HRK: variants seen among roughly 807,000 people sequenced by gnomAD.
The protein encoded by HRK is harakiri, BCL2 interacting protein, also known as activator of apoptosis harakiri.
HRK carries 6 observed loss-of-function variants against 5.9 expected under a neutral mutation model. That is an observed-to-expected ratio of 1.02 (90% CI 0.56 to 2.01). The LOEUF (loss-of-function observed/expected upper bound fraction) is 2.01, where lower values mean the gene tolerates loss of function less well. HRK is among the 30% of genes most tolerant of loss of function. The probability of loss-of-function intolerance (pLI) is 0.00; values close to 1 mark genes in which losing one functional copy is unlikely to be tolerated. For missense variants in HRK, 133 were observed against 128.3 expected, an observed-to-expected ratio of 1.04 and a Z score of -0.18; for synonymous variants, 85 against 65.1, an observed-to-expected ratio of 1.31 and a Z score of -1.47.
intron 1 of HRK, among the ~76,000 whole-genome samples, chr12:116,874,183 G>A (rs944687708): frequency 1.3e-5 from 2 of 152,130 alleles, no homozygotes; most frequent in Admixed American, 6.5e-5. Flanking sequence ...GAGGGCTGTG[G>A]CTGGGACTCA....
intron 1 of HRK, among the ~76,000 whole-genome samples, chr12:116,873,671 C>A (rs1010518496): frequency 6.6e-6 from 1 of 152,302 alleles, no homozygotes; most frequent in Non-Finnish European, 1.5e-5. Context: ...CCACATCCAG[C>A]TACTTTTTAA....
chr12:116,876,762 C>T (rs1278817568), intron 1 of HRK: 1 of 152,314 alleles, frequency 6.6e-6, no homozygotes, highest in Non-Finnish European at 1.5e-5. Context: ...CCATCCTCCT[C>T]CAGGCCTCCC....
intron 1 of HRK, among the ~76,000 whole-genome samples, chr12:116,873,950 G>A (rs1379161309): frequency 6.6e-6 from 1 of 152,226 alleles, no homozygotes; most frequent in Middle Eastern, 3.2e-3. Context: ...AAAGGAGAGG[G>A]GAGCCAGTGC....
rs928986581 is a variant in HRK at position 116,860,323 on chromosome 12, A to G, written c.*1200T>C. The G allele has an allele frequency of 5.3e-5, 8 of 151,866 alleles. No individual in the cohort carries two copies. The highest frequency in any genetic ancestry group is 2.1e-4 in the South Asian group (1 of 4,800). 9.4% of individuals were successfully genotyped at this position (151,866 alleles called of 1,614,324 possible). A position where few individuals can be genotyped will look rare whatever the true frequency, so the allele number is the denominator to read the frequency against. On this transcript the variant is annotated 3_prime_UTR_variant, in exon 2 of 2. Coordinates refer to ENST00000257572, the MANE Select transcript of HRK (RefSeq NM_003806.4). ...AAAATAGTAGCTTATCCTTGGGGGG[A>G]AAAAAATCAGACCTCTGTCAATCAG... is the stretch of plus-strand genomic sequence containing the variant.
rs1879033057 is a variant in HRK, at chr12:116,878,849, C to A, written c.*56+2127G>T. Among the ~76,000 whole-genome samples the A allele has an allele frequency of 6.6e-6, 1 of 152,160 alleles. No individual in the cohort carries two copies. The highest frequency in any genetic ancestry group is 1.5e-5 in the Non-Finnish European group (1 of 68,018). On this transcript the variant is annotated intron_variant, in intron 1 of 1. Transcript: ENST00000257572. This position sits in a 1 kb window ranked among gnomAD's most constrained non-coding sequence, Gnocchi z 4.4. ...ACGGAAGTAACTCTGGGGTAGAAGG[C>A]GAGGGCGGGGCGGGGGAAATAAACT... is the stretch of plus-strand genomic sequence containing the variant.
chr12:116,881,333 C>T lies in HRK; in HGVS notation c.-26G>A, dbSNP rs981910919. 2 of 1,062,990 alleles carry T rather than the reference C, an allele frequency of 1.9e-6. No homozygotes were observed. The highest frequency in any genetic ancestry group is 5.4e-5 in the Admixed American group (1 of 18,532). The allele number at this position is 1,062,990 out of a possible 1,614,324, so 65.8% of individuals were successfully genotyped here. ...GACCGCTGGCCTCGCTCCCGCCCCG[C>T]GCTCGGGCCGCCCCTCGCCTCCTCT... is the stretch of plus-strand genomic sequence containing the variant. On this transcript the variant is annotated 5_prime_UTR_variant, in exon 1 of 2. Coordinates refer to ENST00000257572, the MANE Select transcript of HRK (RefSeq NM_003806.4).
In HRK at chr12:116,879,725, C is replaced by T. The variant is rs1215161021; in HGVS notation, c.*56+1251G>A. 1 of 152,252 alleles carries T rather than the reference C, an allele frequency of 6.6e-6. No individual in the cohort carries two copies. Among genetic ancestry groups the T allele is most frequent in the Non-Finnish European group, 1.5e-5 (1 of 68,066 alleles). 9.4% of individuals were successfully genotyped at this position (152,252 alleles called of 1,614,324 possible). Reference sequence around the variant, plus strand: ...TCACACCCCGCGCACCCCCGCAGCTCCCTGGGCGCTGCCACCCCCCACGCT... The same window carrying T: ...TCACACCCCGCGCACCCCCGCAGCTTCCTGGGCGCTGCCACCCCCCACGCT... On this transcript the variant is annotated intron_variant, in intron 1 of 1. Transcript: ENST00000257572. This position sits in a 1 kb window ranked among gnomAD's most constrained non-coding sequence, Gnocchi z 5.6.
chr12:116,880,985 G>A lies in HRK; in HGVS notation c.*47C>T, dbSNP rs1365575370. On this transcript the variant is annotated 3_prime_UTR_variant, in exon 1 of 2. Coordinates refer to ENST00000257572, the MANE Select transcript of HRK (RefSeq NM_003806.4). The stretch of plus-strand genomic sequence containing the variant: ...TCGCTCGCTCGCGTACCTGTTGCTC[G>A]CTCCGGCTGGGTCTCGGCTCCGGCC... 8.0e-7 allele frequency: 1 copy of A among 1,253,494 alleles called. No individual in the cohort carries two copies. The allele number at this position is 1,253,494 out of a possible 1,614,324, so 77.6% of individuals were successfully genotyped here.
At position 116,859,191 on chromosome 12, in the gene HRK, C is replaced by T. The variant is rs1878266054; in HGVS notation, c.*2332G>A. On this transcript the variant is annotated 3_prime_UTR_variant, in exon 2 of 2. Transcript: ENST00000257572. The stretch of plus-strand genomic sequence containing the variant: ...AAATCAAAATCACCCAAAATGCCAA[C>T]CCCAGCGTTTGGAGTTTGTATCCTC... 1 of 152,156 alleles carries T rather than the reference C, an allele frequency of 6.6e-6. No homozygotes were observed. The highest frequency in any genetic ancestry group is 2.4e-5 in the African/African-American group (1 of 41,432). 9.4% of individuals were successfully genotyped at this position (152,156 alleles called of 1,614,324 possible).
Position 116,862,032 on chromosome 12 carries a change from A to G in HRK, c.*57-566T>C, listed in dbSNP as rs559268497. Reference sequence around the variant, plus strand: ...ACAGGGAGATGGGAAGAAGTGGATAATGACAGTCCCATGTAAAGAGCACAT... The same window carrying G: ...ACAGGGAGATGGGAAGAAGTGGATAGTGACAGTCCCATGTAAAGAGCACAT... On this transcript the variant is annotated intron_variant, in intron 1 of 1. Coordinates refer to ENST00000257572, the MANE Select transcript of HRK (RefSeq NM_003806.4). The surrounding 1 kb of genome is among the most constrained non-coding windows in gnomAD (Gnocchi z 4.0). 1.3e-5 allele frequency among the ~76,000 whole-genome samples: 2 copies of G among 152,218 alleles called. No homozygotes were observed. Among genetic ancestry groups the G allele is most frequent in the Non-Finnish European group, 2.9e-5 (2 of 68,038 alleles).
At chr12:116,872,169 G>A (rs1433542957) in intron 1 of HRK, among the ~76,000 whole-genome samples, 1 of 152,172 alleles carries the variant, frequency 6.6e-6, no homozygotes, top group African/African-American at 2.4e-5. Flanking sequence ...AGGAGTTCGA[G>A]ACCAGGATGG....
intron 1 of HRK, chr12:116,869,588 C>A (rs561200891): frequency 6.6e-6 from 1 of 152,240 alleles, no homozygotes; most frequent in Middle Eastern, 3.4e-3. Context: ...CTGGCAAATG[C>A]GAGATGGAGA....
intron 1 of HRK, among the ~76,000 whole-genome samples, chr12:116,874,592 T>G (rs1399714337): frequency 2.0e-5 from 3 of 152,184 alleles, no homozygotes; most frequent in African/African-American, 7.2e-5. Context: ...CACTCCCCCA[T>G]GAGGTGGAGT....
In HRK at chr12:116,881,432, T is replaced by A. The variant is rs1879157271; in HGVS notation, c.-125A>T. The stretch of plus-strand genomic sequence containing the variant: ...CTCCCCTGGACACCAAGTTTCTCCT[T>A]GTGTTGTGCGTTTGTTGTGCTGACG... On this transcript the variant is annotated 5_prime_UTR_variant, in exon 1 of 2. Transcript: ENST00000257572. 2.4e-6 allele frequency: 2 copies of A among 826,490 alleles called. No homozygotes were observed. Among genetic ancestry groups the A allele is most frequent in the Non-Finnish European group, 2.9e-6 (2 of 684,578 alleles). 51.2% of individuals were successfully genotyped at this position (826,490 alleles called of 1,614,324 possible).
rs1451579910 is a variant in HRK at position 116,881,154 on chromosome 12, G to A, written c.154C>T (p.Arg52Cys). The change falls in exon 1 of 2, where the codon CGC (arginine) becomes TGC (cysteine). Residue 52 changes from arginine to cysteine, a missense_variant. By Grantham distance (180) the Arg-to-Cys change is radical. Coordinates refer to ENST00000257572, the MANE Select transcript of HRK (RefSeq NM_003806.4). Reference protein sequence around the residue: ...DELHQRTMWRRRARSRRAPAP... With the variant: ...DELHQRTMWRCRARSRRAPAP... ...GGCGCCCTCCGGCTCCGCGCGCGGC[G>A]CCGCCACATGGTGCGCTGGTGCAGC... 4.2e-6 allele frequency: 5 copies of A among 1,181,614 alleles called. No individual in the cohort carries two copies. Among genetic ancestry groups the A allele is most frequent in the South Asian group, 4.0e-5 (1 of 25,004 alleles). 73.2% of individuals were successfully genotyped at this position (1,181,614 alleles called of 1,614,324 possible).
Position 116,878,205 on chromosome 12 carries a change from C to A in HRK, c.*56+2771G>T, listed in dbSNP as rs1334794898. ...TGCTGGAATTACAGGCGTGAGCCAA[C>A]CTGCCTGGCCTGTATGTTGAAAATA... On this transcript the variant is annotated intron_variant, in intron 1 of 1. Transcript: ENST00000257572. The surrounding 1 kb of genome is among the most constrained non-coding windows in gnomAD (Gnocchi z 4.4). Among the ~76,000 whole-genome samples, 1 of 152,216 alleles carries A rather than the reference C, an allele frequency of 6.6e-6. No individual in the cohort carries two copies. Among genetic ancestry groups the A allele is most frequent in the East Asian group, 1.9e-4 (1 of 5,188 alleles).
At position 116,859,033 on chromosome 12, in the gene HRK, T is replaced by G. The variant is rs1474348266; in HGVS notation, c.*2490A>C. 6.6e-6 allele frequency: 1 copy of G among 152,250 alleles called. No homozygotes were observed. Among genetic ancestry groups the G allele is most frequent in the East Asian group, 1.9e-4 (1 of 5,186 alleles). 9.4% of individuals were successfully genotyped at this position (152,250 alleles called of 1,614,324 possible). ...GAGAAGTGCACTCCAATGAATGATGTGCAAGGAAAGGTCAGGATTCGATAA... is the reference window on the plus strand; with the variant it reads ...GAGAAGTGCACTCCAATGAATGATGGGCAAGGAAAGGTCAGGATTCGATAA... On this transcript the variant is annotated 3_prime_UTR_variant, in exon 2 of 2. Coordinates refer to ENST00000257572, the MANE Select transcript of HRK (RefSeq NM_003806.4).
chr12:116,868,949 T>C lies in HRK; in HGVS notation c.*57-7483A>G, dbSNP rs932910888. 2.0e-5 allele frequency among the ~76,000 whole-genome samples: 3 copies of C among 147,890 alleles called. No homozygotes were observed. In the East Asian group the frequency reaches 6.0e-4, roughly 29 times the overall value. ...GGGCCATACTATAAAGATGGGCCCA[T>C]GGACTAAACTTCTTCTTCGTTTTTT... On this transcript the variant is annotated intron_variant, in intron 1 of 1. Coordinates refer to ENST00000257572, the MANE Select transcript of HRK (RefSeq NM_003806.4).
chr12:116,862,276 T>C lies in HRK; in HGVS notation c.*57-810A>G, dbSNP rs1163081056. Among the ~76,000 whole-genome samples, 1 of 152,190 alleles carries C rather than the reference T, an allele frequency of 6.6e-6. No individual in the cohort carries two copies. The highest frequency in any genetic ancestry group is 2.4e-5 in the African/African-American group (1 of 41,440). ...ATGCACAAAATGTGTGCACAAATGC[T>C]CATGGCAGAATTATCCATAATAGCA... On this transcript the variant is annotated intron_variant, in intron 1 of 1. Transcript: ENST00000257572. The surrounding 1 kb of genome is among the most constrained non-coding windows in gnomAD (Gnocchi z 4.0).
Sources: gnomAD v4.1 joint callset for allele counts (sites outside exome capture counted in the v4.1 genomes callset) on GRCh38, gnomAD v4.1.1 for gene constraint, Gnocchi (gnomAD v3.1) non-coding constraint, MANE v1.5 for transcripts, NCBI Gene and HGNC (gene_info 2026-07-23, HGNC 2026-07-21) for gene names.